Variants in RAB38 observed in about 807,000 individuals in gnomAD.
The protein encoded by RAB38 is ras-related protein Rab-38.
Under a neutral mutation model 18.4 loss-of-function variants are expected in RAB38, and 15 were observed. That is an observed-to-expected ratio of 0.82 (90% CI 0.55 to 1.26). RAB38 has a LOEUF of 1.26. RAB38 is among the 50% of genes most tolerant of loss of function. The probability of loss-of-function intolerance (pLI) is 0.00; values close to 1 mark genes in which losing one functional copy is unlikely to be tolerated. For missense variants in RAB38, 294 were observed against 267.4 expected (o/e 1.10, Z -0.69); for synonymous variants, 101 against 104.4 (o/e 0.97, Z 0.20).
At chr11:87,862,659 A>G in the RAB38 span, among the ~76,000 whole-genome samples, 2 of 152,004 alleles carry the variant, frequency 1.3e-5, no homozygotes, top group East Asian at 3.9e-4. Context: ...CTGAACTTAA[A>G]CAAAAGTTAA....
the RAB38 span, among the ~76,000 whole-genome samples, chr11:88,029,565 G>A: frequency 1.3e-5 from 2 of 152,094 alleles, no homozygotes; most frequent in African/African-American, 2.4e-5. Flanking sequence ...ACAAAAAAAG[G>A]CAGGGTTTGC....
the RAB38 span, among the ~76,000 whole-genome samples, chr11:87,864,016 T>C: frequency 6.6e-6 from 1 of 151,600 alleles, no homozygotes; most frequent in Non-Finnish European, 1.5e-5. Flanking sequence ...CTGGGTGTGG[T>C]GGTCGTGATC....
the RAB38 span, among the ~76,000 whole-genome samples, chr11:87,867,844 G>C: frequency 6.6e-6 from 1 of 151,668 alleles, no homozygotes; most frequent in African/African-American, 2.4e-5. Context: ...AAGATCCAGA[G>C]AGTTAAATCA....
the RAB38 span, among the ~76,000 whole-genome samples, chr11:87,951,035 G>C: frequency 0.099 from 15,135 of 152,218 alleles, 854 homozygotes; most frequent in East Asian, 0.16. Flanking sequence ...ATCAGACATA[G>C]AGTTGGTCTT....
chr11:88,134,638 AT>A (rs1942810728), intron 2 of RAB38, among the ~76,000 whole-genome samples: 1 of 152,326 alleles, frequency 6.6e-6, no homozygotes, highest in South Asian at 2.1e-4. Flanking sequence ...TTGCTAGGAA[AT>A]CCTGTGTCTG....
the RAB38 span, among the ~76,000 whole-genome samples, chr11:87,828,944 T>G: frequency 6.6e-6 from 1 of 152,192 alleles, no homozygotes; most frequent in Non-Finnish European, 1.5e-5. Flanking sequence ...AAAGGCAAAC[T>G]CTATAACAAT....
rs187773390 is a variant in RAB38, at chr11:88,115,465, T to C, written c.484-1325A>G. 2.6e-5 allele frequency: 4 copies of C among 152,354 alleles called. No individual in the cohort carries two copies. The East Asian group carries it at 7.7e-4, about 29-fold the overall frequency. The allele number at this position is 152,354 out of a possible 1,614,324, so 9.4% of individuals were successfully genotyped here. A position where few individuals can be genotyped will look rare whatever the true frequency, so the allele number is the denominator to read the frequency against. On this transcript the variant is annotated intron_variant, in intron 2 of 2. Transcript: ENST00000243662. ...TGACTAATGACCTTAGTTGTAAATGTTTATTAGCAGGTTCTCCATCCTTCA... is the reference window on the plus strand; with the variant it reads ...TGACTAATGACCTTAGTTGTAAATGCTTATTAGCAGGTTCTCCATCCTTCA...
At chr11:88,082,206 A>G in the RAB38 span, among the ~76,000 whole-genome samples, 71 of 152,026 alleles carry the variant, frequency 4.7e-4, no homozygotes, top group African/African-American at 1.6e-3. Context: ...GCCAATGTTC[A>G]TAATAGTTTA....
At chr11:87,971,326 A>G in the RAB38 span, among the ~76,000 whole-genome samples, 12 of 152,204 alleles carry the variant, frequency 7.9e-5, no homozygotes, top group East Asian at 2.3e-3. Flanking sequence ...CAGGAAGAAC[A>G]TTGCTTCAAG....
the RAB38 span, among the ~76,000 whole-genome samples, chr11:87,912,309 C>T: frequency 1.3e-5 from 2 of 151,782 alleles, no homozygotes; most frequent in Non-Finnish European, 2.9e-5. Flanking sequence ...GTAGAATTCC[C>T]CAGTGAAGAC....
At chr11:88,115,365 T>C (rs1056284256) in intron 2 of RAB38, 15 of 152,356 alleles carry the variant, frequency 9.8e-5, no homozygotes, top group African/African-American at 3.4e-4. Flanking sequence ...GTTGTTGATA[T>C]ATTTTGAGAT....
At chr11:87,841,988 A>AT in the RAB38 span, among the ~76,000 whole-genome samples, 4 of 151,888 alleles carry the variant, frequency 2.6e-5, no homozygotes, top group Non-Finnish European at 5.9e-5. Flanking sequence ...TCTTCTTGCT[A>AT]TTTTTTCTTC....
intron 1 of RAB38, chr11:88,167,472 T>C (rs1943259041): frequency 6.6e-6 from 1 of 152,118 alleles, no homozygotes; most frequent in African/African-American, 2.4e-5. Flanking sequence ...ATCACCACTG[T>C]CGATTACAAA....
chr11:88,173,240 T>C (rs1943332689), intron 1 of RAB38, among the ~76,000 whole-genome samples: 1 of 152,238 alleles, frequency 6.6e-6, no homozygotes. Flanking sequence ...AGCATTTATA[T>C]AGGCTTAAAA....
At chr11:88,034,483 C>T in the RAB38 span, among the ~76,000 whole-genome samples, 1 of 152,170 alleles carries the variant, frequency 6.6e-6, no homozygotes, top group Non-Finnish European at 1.5e-5. Flanking sequence ...TGTTTGATTC[C>T]AGTTTTTCTG....
the RAB38 span, among the ~76,000 whole-genome samples, chr11:87,898,772 T>TA: frequency 4.0e-5 from 6 of 151,616 alleles, no homozygotes; most frequent in Non-Finnish European, 8.9e-5. Context: ...AAAGGGCCCT[T>TA]ATCATACTTC....
chr11:87,874,223 T>C, the RAB38 span, among the ~76,000 whole-genome samples: 1 of 151,274 alleles, frequency 6.6e-6, no homozygotes, highest in South Asian at 2.1e-4. Context: ...TTATTGCACA[T>C]TGTTCATATT....
the RAB38 span, among the ~76,000 whole-genome samples, chr11:88,071,293 A>T: frequency 6.6e-6 from 1 of 151,328 alleles, no homozygotes; most frequent in Non-Finnish European, 1.5e-5. Flanking sequence ...GAGATATACC[A>T]CTTCTGGGAA....
chr11:87,925,951 C>A, the RAB38 span, among the ~76,000 whole-genome samples: 1 of 151,890 alleles, frequency 6.6e-6, no homozygotes, highest in African/African-American at 2.4e-5. Context: ...GAAGTCTTTA[C>A]GGAGGGAACA....
Sources: allele counts gnomAD v4.1 joint callset (sites outside exome capture counted in the v4.1 genomes callset), GRCh38; gene constraint gnomAD v4.1.1; transcripts MANE v1.5; gene names NCBI Gene and HGNC (gene_info 2026-07-23, HGNC 2026-07-21).